FAM167A: variants seen among roughly 807,000 people sequenced by gnomAD.
The protein encoded by FAM167A is family with sequence similarity 167 member A, also known as protein FAM167A.
Under a neutral mutation model 14.9 loss-of-function variants are expected in FAM167A, and 23 were observed. The ratio of observed to expected loss-of-function variants is 1.55; its 90% confidence interval spans 1.11 to 2.19. The LOEUF is 2.19. Ranked by LOEUF, FAM167A falls within the 30% of genes most tolerant of loss-of-function variation. The pLI is 0.00. For missense variants in FAM167A, 401 were observed against 281.5 expected (o/e 1.42, Z -3.04); for synonymous variants, 174 against 117.7 (o/e 1.48, Z -3.10).
chr8:11,443,312 G>A (rs1412942291), intron 2 of FAM167A, among the ~76,000 whole-genome samples: 2 of 152,218 alleles, frequency 1.3e-5, no homozygotes, highest in Non-Finnish European at 2.9e-5. Context: ...GCTCCTATTG[G>A]GAATCTGCTT....
At chr8:11,471,833 C>A (rs149558499), upstream of FAM167A, among the ~76,000 whole-genome samples, 431 of 152,252 alleles carry the variant, frequency 2.8e-3, 1 homozygote, top group African/African-American at 9.7e-3. Flanking sequence ...GTGGCCTCTT[C>A]CTGGTCTATG....
At chr8:11,449,692 G>A (rs984176919) in intron 1 of FAM167A, among the ~76,000 whole-genome samples, 1 of 152,194 alleles carries the variant, frequency 6.6e-6, no homozygotes, top group Admixed American at 6.5e-5. Context: ...CCCTTGGGGG[G>A]GCGCGTCAGC....
At chr8:11,446,016 CAAAAAAAAAAA>C (rs36111790) in intron 1 of FAM167A, among the ~76,000 whole-genome samples, 4 of 84,302 alleles carry the variant, frequency 4.7e-5, no homozygotes, top group Admixed American at 4.3e-4. Context: ...ACATCCCGGC[CAAAAAAAAAAA>C]AAAAAAAAAA....
At chr8:11,438,423 T>C in intron 2 of FAM167A, 1 of 452,768 alleles carries the variant, frequency 2.2e-6, no homozygotes, top group Non-Finnish European at 4.4e-6. Context: ...GCCTTACTTT[T>C]ATTTTATTCT....
At chr8:11,460,069 G>T (rs1807477308) in intron 1 of FAM167A, among the ~76,000 whole-genome samples, 1 of 152,228 alleles carries the variant, frequency 6.6e-6, no homozygotes, top group South Asian at 2.1e-4. Context: ...GTTGATGGAG[G>T]TGGCTCCTGG....
At chr8:11,472,437 GTTTTT>G (rs113039104), upstream of FAM167A, among the ~76,000 whole-genome samples, 4,060 of 122,510 alleles carry the variant, frequency 0.033, 184 homozygotes, top group African/African-American at 0.11. Flanking sequence ...TGTTTTTTGG[GTTTTT>G]TTTTTTTTTT....
intron 1 of FAM167A, among the ~76,000 whole-genome samples, chr8:11,465,554 T>C (rs943109902): frequency 6.6e-6 from 1 of 152,228 alleles, no homozygotes; most frequent in Non-Finnish European, 1.5e-5. Context: ...GCACAGCCCA[T>C]GGCTGCTTTC....
At chr8:11,469,658 G>C (rs1249731320), upstream of FAM167A, among the ~76,000 whole-genome samples, 1 of 152,024 alleles carries the variant, frequency 6.6e-6, no homozygotes, top group Non-Finnish European at 1.5e-5. Flanking sequence ...CTTGAGCCCA[G>C]GAATTGGAGA....
At chr8:11,447,421 G>A (rs1411594936) in intron 1 of FAM167A, among the ~76,000 whole-genome samples, 1 of 152,196 alleles carries the variant, frequency 6.6e-6, no homozygotes, top group Non-Finnish European at 1.5e-5. Flanking sequence ...GACCTCAGGT[G>A]AAGGCCTGCA....
chr8:11,472,437 G>GTTTTTTTTTTT (rs113039104), upstream of FAM167A, among the ~76,000 whole-genome samples: 1 of 122,552 alleles, frequency 8.2e-6, no homozygotes, highest in Non-Finnish European at 1.7e-5. Context: ...TGTTTTTTGG[G>GTTTTTTTTTTT]TTTTTTTTTT....
intron 1 of FAM167A, among the ~76,000 whole-genome samples, chr8:11,460,301 G>A (rs1385236786): frequency 6.6e-6 from 1 of 152,326 alleles, no homozygotes; most frequent in Admixed American, 6.5e-5. Flanking sequence ...AGCCAGCCTG[G>A]TGTGGAAGAG....
At chr8:11,463,781 T>C (rs1807636163) in intron 1 of FAM167A, among the ~76,000 whole-genome samples, 2 of 152,224 alleles carry the variant, frequency 1.3e-5, no homozygotes, top group South Asian at 4.1e-4. Flanking sequence ...AGGTGAACCC[T>C]CATCCTCTTC....
At chr8:11,456,253 T>TGTGA in intron 1 of FAM167A, among the ~76,000 whole-genome samples, 1 of 16,324 alleles carries the variant, frequency 6.1e-5, no homozygotes, top group Middle Eastern at 0.056. Context: ...CCTTGCTGTG[T>TGTGA]GTGTGAGTGT....
chr8:11,454,643 T>C lies in FAM167A; in HGVS notation c.-397-9835A>G, dbSNP rs551047410. On this transcript the variant is annotated intron_variant, in intron 1 of 2. Coordinates refer to ENST00000284486, the MANE Select transcript of FAM167A (RefSeq NM_053279.3). ...AAGCTCATGCCTGCATCTTTTCCTT[T>C]TGTTTTCTGAAAAGGCAAATCCCTT... Among the ~76,000 whole-genome samples, 3 of 152,302 alleles carry C rather than the reference T, an allele frequency of 2.0e-5. No homozygotes were observed. The East Asian group carries it at 5.8e-4, about 29-fold the overall frequency.
chr8:11,474,890 A>AGCGAAG (rs1315464830), intron 1 of FAM167A, among the ~76,000 whole-genome samples: 1 of 151,632 alleles, frequency 6.6e-6, no homozygotes, highest in Non-Finnish European at 1.5e-5. Flanking sequence ...TAACATCAAC[A>AGCGAAG]GCGAAGGCGA....
At chr8:11,458,648 A>G (rs1278430507) in intron 1 of FAM167A, among the ~76,000 whole-genome samples, 1 of 152,212 alleles carries the variant, frequency 6.6e-6, no homozygotes, top group Non-Finnish European at 1.5e-5. Context: ...TGGGATTTAA[A>G]CACAGACACT....
intron 1 of FAM167A, among the ~76,000 whole-genome samples, chr8:11,472,984 G>C (rs1319154161): frequency 6.6e-6 from 1 of 152,192 alleles, no homozygotes; most frequent in African/African-American, 2.4e-5. Flanking sequence ...TTTTGAGGCT[G>C]GGATGAGAGC....
At chr8:11,442,862 C>T (rs144252515) in intron 2 of FAM167A, among the ~76,000 whole-genome samples, 3 of 152,336 alleles carry the variant, frequency 2.0e-5, no homozygotes, top group East Asian at 1.9e-4. Flanking sequence ...AGTGTTAAAA[C>T]GCAAACAGGC....
chr8:11,446,826 C>T (rs1414962936), intron 1 of FAM167A, among the ~76,000 whole-genome samples: 2 of 152,252 alleles, frequency 1.3e-5, no homozygotes, highest in African/African-American at 2.4e-5. Context: ...TCCCAGGCGC[C>T]GTCTGCCTCT....
Sources: allele counts gnomAD v4.1 joint callset (sites outside exome capture counted in the v4.1 genomes callset), GRCh38; gene constraint gnomAD v4.1.1; transcripts MANE v1.5; gene names NCBI Gene and HGNC (gene_info 2026-07-23, HGNC 2026-07-21).